Variants in CNTN5 observed in about 807,000 individuals in gnomAD.
CNTN5 encodes the protein contactin-5.
CNTN5 carries 77 observed loss-of-function variants against 129.1 expected under a neutral mutation model. That is an observed-to-expected ratio of 0.60 (90% CI 0.50 to 0.72). CNTN5 has a LOEUF of 0.72. CNTN5 is among the 30% of genes least tolerant of loss of function. CNTN5 has a pLI of 0.00. For synonymous variants in CNTN5, 509 were observed against 465.6 expected, an observed-to-expected ratio of 1.09 and a Z score of -1.20; for missense variants, 1,478 against 1,328.8, an observed-to-expected ratio of 1.11 and a Z score of -1.75.
chr11:99,688,895 AT>A (rs1953911749), intron 3 of CNTN5, among the ~76,000 whole-genome samples: 1 of 152,092 alleles, frequency 6.6e-6, no homozygotes, highest in African/African-American at 2.4e-5. Flanking sequence ...GCTAAGGATA[AT>A]TGCCTACATT....
intron 3 of CNTN5, among the ~76,000 whole-genome samples, chr11:99,729,290 A>C (rs1245972405): frequency 2.0e-5 from 3 of 152,112 alleles, no homozygotes; most frequent in Non-Finnish European, 4.4e-5. Flanking sequence ...GCTCACTATT[A>C]AACTGACATA....
chr11:99,883,517 G>GGAAT (rs1948824121), intron 6 of CNTN5, among the ~76,000 whole-genome samples: 3 of 152,182 alleles, frequency 2.0e-5, no homozygotes, highest in African/African-American at 7.2e-5. Context: ...ATTTCTAAAT[G>GGAAT]GAATGATTGG....
chr11:99,566,503 T>G (rs77429825), intron 3 of CNTN5, among the ~76,000 whole-genome samples: 1 of 152,356 alleles, frequency 6.6e-6, no homozygotes, highest in Non-Finnish European at 1.5e-5. Flanking sequence ...CTGTAAATTT[T>G]ACTTAATGTC....
At chr11:100,148,132 T>A (rs1315904548) in intron 13 of CNTN5, among the ~76,000 whole-genome samples, 1 of 152,184 alleles carries the variant, frequency 6.6e-6, no homozygotes, top group East Asian at 1.9e-4. Context: ...CATATACTCA[T>A]AATTTTTAAA....
intron 1 of CNTN5, among the ~76,000 whole-genome samples, chr11:99,192,156 A>T (rs1858677081): frequency 6.6e-6 from 1 of 151,672 alleles, no homozygotes; most frequent in Non-Finnish European, 1.5e-5. Flanking sequence ...ATGACTAACA[A>T]AAGAAAGAAG....
intron 1 of CNTN5, among the ~76,000 whole-genome samples, chr11:99,135,169 A>T (rs192756978): frequency 1.3e-3 from 191 of 152,352 alleles, no homozygotes; most frequent in Non-Finnish European, 2.0e-3. Context: ...AAGACAAGGT[A>T]CATAGTCTCT....
intron 21 of CNTN5, among the ~76,000 whole-genome samples, chr11:100,338,603 T>A (rs551969997): frequency 6.6e-6 from 1 of 152,342 alleles, no homozygotes; most frequent in South Asian, 2.1e-4. Flanking sequence ...ATCAGACTTG[T>A]GACAGGAGTG....
chr11:99,574,921 G>T (rs746410530), intron 3 of CNTN5, among the ~76,000 whole-genome samples: 3 of 152,066 alleles, frequency 2.0e-5, no homozygotes, highest in Non-Finnish European at 4.4e-5. Context: ...AGTCAGAAAT[G>T]ACTTCTTTTA....
At chr11:99,881,676 G>A (rs1248497491) in intron 6 of CNTN5, among the ~76,000 whole-genome samples, 2 of 152,308 alleles carry the variant, frequency 1.3e-5, no homozygotes, top group East Asian at 1.9e-4. Flanking sequence ...GGCTTAGTAA[G>A]TGCTGCGTAT....
At chr11:100,049,501 A>G (rs1403226469) in intron 9 of CNTN5, among the ~76,000 whole-genome samples, 2 of 152,172 alleles carry the variant, frequency 1.3e-5, no homozygotes, top group African/African-American at 4.8e-5. Flanking sequence ...ATAATGCTAG[A>G]CTTAAACCCA....
chr11:99,893,995 AG>A (rs1949132791), intron 6 of CNTN5, among the ~76,000 whole-genome samples: 1 of 151,338 alleles, frequency 6.6e-6, no homozygotes, highest in African/African-American at 2.4e-5. Flanking sequence ...CTGCCTTGCC[AG>A]GGTTTTTTTT....
chr11:100,198,382 A>G (rs182196882), intron 15 of CNTN5, among the ~76,000 whole-genome samples: 33 of 150,990 alleles, frequency 2.2e-4, no homozygotes, highest in Non-Finnish European at 4.0e-4. Context: ...GCACTGAGCT[A>G]AGATAGATGG....
At position 99,061,799 on chromosome 11, in the gene CNTN5, C is replaced by A. The variant is rs1864890416; in HGVS notation, c.-210+40529C>A. 2.0e-5 allele frequency among the ~76,000 whole-genome samples: 3 copies of A among 151,842 alleles called. No homozygotes were observed. The South Asian group carries it at 6.2e-4, about 32-fold the overall frequency. ...TTGAAGCTAAGAGTTTGAGACCAGTCTGGGCAACATAGTGAGACCCTGTCT... is the reference window on the plus strand; with the variant it reads ...TTGAAGCTAAGAGTTTGAGACCAGTATGGGCAACATAGTGAGACCCTGTCT... On this transcript the variant is annotated intron_variant, in intron 1 of 24. Transcript: ENST00000524871.
intron 13 of CNTN5, among the ~76,000 whole-genome samples, chr11:100,186,722 T>C (rs1324838023): frequency 6.6e-6 from 1 of 152,168 alleles, no homozygotes; most frequent in African/African-American, 2.4e-5. Flanking sequence ...ACTCCCTTTC[T>C]TCAAGTCAAA....
chr11:99,698,655 A>G (rs1260776305), intron 3 of CNTN5, among the ~76,000 whole-genome samples: 1 of 151,614 alleles, frequency 6.6e-6, no homozygotes, highest in African/African-American at 2.4e-5. Flanking sequence ...ATTGCATGGT[A>G]GTATTGCCTG....
intron 10 of CNTN5, among the ~76,000 whole-genome samples, chr11:100,063,980 C>T (rs1369952125): frequency 6.6e-6 from 1 of 152,104 alleles, no homozygotes. Flanking sequence ...GGCTTTCCTC[C>T]CCATCAAACT....
chr11:99,274,665 C>CTA (rs1336324763), intron 1 of CNTN5, among the ~76,000 whole-genome samples: 26 of 150,258 alleles, frequency 1.7e-4, no homozygotes, highest in South Asian at 4.2e-4. Flanking sequence ...AATACCTCTA[C>CTA]TATATATATA....
At chr11:99,521,455 G>A (rs1357221965) in intron 2 of CNTN5, among the ~76,000 whole-genome samples, 1 of 151,966 alleles carries the variant, frequency 6.6e-6, no homozygotes, top group African/African-American at 2.4e-5. Flanking sequence ...AATAATTTTA[G>A]GTGACTTATT....
At chr11:99,536,744 C>T (rs899006163) in intron 2 of CNTN5, among the ~76,000 whole-genome samples, 1 of 151,402 alleles carries the variant, frequency 6.6e-6, no homozygotes, top group Non-Finnish European at 1.5e-5. Flanking sequence ...TTATTACTAA[C>T]TCTGTTTTAT....
Sources: allele counts gnomAD v4.1 joint callset (sites outside exome capture counted in the v4.1 genomes callset), GRCh38; gene constraint gnomAD v4.1.1; transcripts MANE v1.5; gene names NCBI Gene and HGNC (gene_info 2026-07-23, HGNC 2026-07-21).